The following RUNX1T1 variants were observed in gnomAD, a reference collection of about 807,000 sequenced individuals.
RUNX1T1 encodes RUNX1 partner transcriptional co-repressor 1.
RUNX1T1 carries 4 observed loss-of-function variants against 62.8 expected under a neutral mutation model. That is an observed-to-expected ratio of 0.06 (90% CI 0.03 to 0.15). The LOEUF is 0.15. Ranked by LOEUF, RUNX1T1 falls within the 10% of genes least tolerant of loss-of-function variation. The pLI is 1.00. For missense variants in RUNX1T1, 508 were observed against 754.3 expected (o/e 0.67, Z 3.82); for synonymous variants, 291 against 286.0 (o/e 1.02, Z -0.18).
chr8:92,088,666 G>T (rs1351385229), intron 1 of RUNX1T1, among the ~76,000 whole-genome samples: 1 of 152,144 alleles, frequency 6.6e-6, no homozygotes, highest in Non-Finnish European at 1.5e-5. Flanking sequence ...AAAAAGTCTA[G>T]TGGAAGAGTC....
chr8:92,040,551 A>G (rs1449684415), intron 1 of RUNX1T1, among the ~76,000 whole-genome samples: 1 of 152,178 alleles, frequency 6.6e-6, no homozygotes. Flanking sequence ...TTAAAAAAAC[A>G]AAAAAGGTGA....
At chr8:92,053,049 A>G (rs920594339) in intron 1 of RUNX1T1, among the ~76,000 whole-genome samples, 1 of 152,166 alleles carries the variant, frequency 6.6e-6, no homozygotes, top group Admixed American at 6.5e-5. Context: ...GTCTTACCCT[A>G]TTCCTTTCAA....
intron 6 of RUNX1T1, among the ~76,000 whole-genome samples, chr8:91,987,435 C>T (rs1816805103): frequency 6.6e-6 from 1 of 152,108 alleles, no homozygotes; most frequent in African/African-American, 2.4e-5. Flanking sequence ...TTCTACATGT[C>T]AGCCTTGTGT....
intron 1 of RUNX1T1, among the ~76,000 whole-genome samples, chr8:92,079,351 G>A (rs1673138998): frequency 6.6e-6 from 1 of 152,154 alleles, no homozygotes; most frequent in Non-Finnish European, 1.5e-5. Context: ...TCTGACTTAG[G>A]AAATATTACC....
intron 1 of RUNX1T1, among the ~76,000 whole-genome samples, chr8:92,096,674 G>A (rs771700698): frequency 1.3e-5 from 2 of 152,158 alleles, no homozygotes; most frequent in Non-Finnish European, 2.9e-5. Context: ...GAATGAAGGA[G>A]CCAATAAATT....
chr8:92,090,190 C>CT (rs113019970), intron 1 of RUNX1T1, among the ~76,000 whole-genome samples: 189 of 141,360 alleles, frequency 1.3e-3, no homozygotes, highest in East Asian at 1.8e-3. Context: ...ACACCAGGTC[C>CT]TTTTTTTTTT....
intron 1 of RUNX1T1, among the ~76,000 whole-genome samples, chr8:92,045,555 C>A (rs1402727863): frequency 6.6e-6 from 1 of 152,174 alleles, no homozygotes; most frequent in Non-Finnish European, 1.5e-5. Context: ...TCCACTCTCA[C>A]CTTTTCTCCC....
intron 1 of RUNX1T1, chr8:92,095,047 A>T: frequency 6.5e-7 from 1 of 1,535,548 alleles, no homozygotes; most frequent in Non-Finnish European, 8.7e-7. Context: ...TCCTGTCTGG[A>T]TAGCAGAGGT....
rs555977253 is a variant in RUNX1T1 at position 91,968,797 on chromosome 8, T to C, written c.1458+1861A>G. On this transcript the variant is annotated intron_variant, in intron 10 of 10. Transcript: ENST00000396218. Reference sequence around the variant, plus strand: ...CTGCCATTTCCTAGCTGTGTAACTTTAGCCAGGTAAGTTTCCTCATCCATA... The same window carrying C: ...CTGCCATTTCCTAGCTGTGTAACTTCAGCCAGGTAAGTTTCCTCATCCATA... Among the ~76,000 whole-genome samples the C allele has an allele frequency of 2.6e-5, 4 of 152,328 alleles. No individual in the cohort carries two copies. In the South Asian group the frequency reaches 6.2e-4, roughly 24 times the overall value.
exon 6 of RUNX1T1, chr8:91,991,701 T>A (rs747453440): frequency 6.2e-7 from 1 of 1,613,962 alleles, no homozygotes; most frequent in South Asian, 1.1e-5. Flanking sequence ...GTCCCTGTAG[T>A]GGTGGGCAAT....
chr8:92,047,354 A>G (rs976599882), intron 1 of RUNX1T1, among the ~76,000 whole-genome samples: 10 of 151,992 alleles, frequency 6.6e-5, no homozygotes, highest in Non-Finnish European at 1.3e-4. Context: ...CAATTACCCA[A>G]ATTTAAACTG....
At chr8:92,017,893 T>C (rs1400734272) in intron 1 of RUNX1T1, among the ~76,000 whole-genome samples, 1 of 152,218 alleles carries the variant, frequency 6.6e-6, no homozygotes, top group Non-Finnish European at 1.5e-5. Context: ...ATATTTCGCA[T>C]TTCAATTTTT....
chr8:91,960,531 C>G lies in RUNX1T1; in HGVS notation c.1459-14G>C, dbSNP rs372518555. 2 of 1,612,550 alleles carry G rather than the reference C, an allele frequency of 1.2e-6. No homozygotes were observed. The highest frequency in any genetic ancestry group is 1.1e-5 in the South Asian group (1 of 91,062). On this transcript the variant is annotated splice_polypyrimidine_tract_variant and intron_variant, in intron 10 of 10. Transcript: ENST00000396218. ...ATTCCAGCAACTCTAAAGGAGAAGG[C>G]AGAAGAAAGCAAGATCCCAAGTTAA...
intron 1 of RUNX1T1, among the ~76,000 whole-genome samples, chr8:92,021,850 C>T (rs1438056281): frequency 6.6e-6 from 1 of 151,226 alleles, no homozygotes; most frequent in African/African-American, 2.4e-5. Flanking sequence ...CAAATACCAG[C>T]CACCTTGGTA....
chr8:92,082,367 A>G (rs1207745253), intron 1 of RUNX1T1, among the ~76,000 whole-genome samples: 1 of 152,208 alleles, frequency 6.6e-6, no homozygotes, highest in Non-Finnish European at 1.5e-5. Context: ...AAGCTCTGGA[A>G]TAGTGAAGTC....
At chr8:92,101,496 C>A (rs1838032454), upstream of RUNX1T1, among the ~76,000 whole-genome samples, 1 of 152,092 alleles carries the variant, frequency 6.6e-6, no homozygotes. Context: ...GCAGATTCCC[C>A]CAGGAAGCAG....
intron 4 of RUNX1T1, 87 bp downstream of exon 5, chr8:92,010,915 C>A: frequency 1.4e-6 from 1 of 711,602 alleles, no homozygotes; most frequent in South Asian, 1.7e-5. Flanking sequence ...AATCAAAGAG[C>A]CCCTAAATGT....
upstream of RUNX1T1, among the ~76,000 whole-genome samples, chr8:92,064,163 C>T (rs1587421538): frequency 1.3e-5 from 2 of 152,184 alleles, no homozygotes; most frequent in East Asian, 3.8e-4. Flanking sequence ...TACCCACACA[C>T]ACTCTCCGCA....
At chr8:92,085,097 T>C (rs2130851924) in intron 1 of RUNX1T1, among the ~76,000 whole-genome samples, 1 of 152,290 alleles carries the variant, frequency 6.6e-6, no homozygotes, top group African/African-American at 2.4e-5. Context: ...AGATGAAAAT[T>C]ATTTCTAGAT....
Sources: gnomAD v4.1 joint callset for allele counts (sites outside exome capture counted in the v4.1 genomes callset) on GRCh38, gnomAD v4.1.1 for gene constraint, MANE v1.5 for transcripts, NCBI Gene and HGNC (gene_info 2026-07-23, HGNC 2026-07-21) for gene names.